The following GPC6 variants were observed in gnomAD, a reference collection of about 807,000 sequenced individuals.
The protein encoded by GPC6 is glypican-6.
GPC6 carries 14 observed loss-of-function variants against 55.2 expected under a neutral mutation model. The observed-to-expected ratio is 0.25, with a 90% CI of 0.17 to 0.40. The LOEUF (loss-of-function observed/expected upper bound fraction) is 0.40. GPC6 is among the 10% of genes least tolerant of loss of function. The probability of loss-of-function intolerance (pLI) is 1.00; values close to 1 mark genes in which losing one functional copy is unlikely to be tolerated. For synonymous variants in GPC6, 278 were observed against 259.6 expected (o/e 1.07, Z -0.68); for missense variants, 641 against 708.5 (o/e 0.90, Z 1.08).
At chr13:94,366,104 T>C (rs1879277697) in intron 6 of GPC6, among the ~76,000 whole-genome samples, 1 of 152,216 alleles carries the variant, frequency 6.6e-6, no homozygotes, top group Non-Finnish European at 1.5e-5. Flanking sequence ...ATCACTGTGG[T>C]ATGCCAATCA....
At chr13:93,642,086 T>C (rs565668015) in intron 2 of GPC6, among the ~76,000 whole-genome samples, 12 of 152,178 alleles carry the variant, frequency 7.9e-5, no homozygotes, top group African/African-American at 2.6e-4. Flanking sequence ...TGGGGTGTGA[T>C]TGAACTGGTC....
upstream of GPC6, among the ~76,000 whole-genome samples, chr13:93,224,088 C>T (rs1875693492): frequency 6.6e-6 from 1 of 151,546 alleles, no homozygotes; most frequent in Non-Finnish European, 1.5e-5. Flanking sequence ...TTAGTAGAGA[C>T]GGGGTTTCAC....
chr13:93,345,727 G>T (rs909813495), intron 1 of GPC6, among the ~76,000 whole-genome samples: 2 of 151,954 alleles, frequency 1.3e-5, no homozygotes, highest in African/African-American at 4.8e-5. Context: ...GATTTTCTTT[G>T]GTATTTTCAC....
At chr13:94,300,578 T>G (rs9301951) in intron 5 of GPC6, among the ~76,000 whole-genome samples, 1 of 152,154 alleles carries the variant, frequency 6.6e-6, no homozygotes, top group Non-Finnish European at 1.5e-5. Flanking sequence ...AGAGGATTCA[T>G]GAGCCAGATA....
chr13:93,753,465 T>C (rs1237122215), intron 2 of GPC6, among the ~76,000 whole-genome samples: 1 of 152,176 alleles, frequency 6.6e-6, no homozygotes, highest in Non-Finnish European at 1.5e-5. Context: ...TATGGGTACA[T>C]AGTAGGTGTA....
chr13:94,331,808 A>G (rs1877434897), intron 6 of GPC6, among the ~76,000 whole-genome samples: 1 of 152,234 alleles, frequency 6.6e-6, no homozygotes, highest in Non-Finnish European at 1.5e-5. Flanking sequence ...TTTGGGTACC[A>G]GTCTTTTTCA....
chr13:93,306,602 G>C (rs956460005), intron 1 of GPC6, among the ~76,000 whole-genome samples: 1 of 151,994 alleles, frequency 6.6e-6, no homozygotes, highest in Non-Finnish European at 1.5e-5. Context: ...TCATGTAACT[G>C]ATTGATCTAG....
At chr13:93,231,397 G>GTCTA (rs1284453371) in intron 1 of GPC6, among the ~76,000 whole-genome samples, 1 of 45,870 alleles carries the variant, frequency 2.2e-5, no homozygotes, top group African/African-American at 1.0e-4. Flanking sequence ...ATATATATAT[G>GTCTA]TATATATATA....
chr13:94,394,362 G>A (rs1431268685), intron 7 of GPC6, among the ~76,000 whole-genome samples: 1 of 152,190 alleles, frequency 6.6e-6, no homozygotes, highest in Non-Finnish European at 1.5e-5. Context: ...GGATCCACCA[G>A]GTAAACTTGC....
chr13:94,158,316 A>G (rs889498234), intron 4 of GPC6, among the ~76,000 whole-genome samples: 4 of 151,994 alleles, frequency 2.6e-5, no homozygotes, highest in Admixed American at 2.6e-4. Flanking sequence ...TGGAGTGTCA[A>G]TTAGACACAA....
Position 93,933,524 on chromosome 13 carries a change from CA to C in GPC6, c.712-94204del, listed in dbSNP as rs992081196. 2.7e-5 allele frequency among the ~76,000 whole-genome samples: 4 copies of C among 150,330 alleles called. No homozygotes were observed. In the East Asian group the frequency reaches 8.2e-4, roughly 31 times the overall value. On this transcript the variant is annotated intron_variant, in intron 3 of 8. Coordinates refer to ENST00000377047, the MANE Select transcript of GPC6 (RefSeq NM_005708.5). ...TGGGCCTCAGAGTTTCTTTTGCTTC[CA>C]TTTTTTTTTTCCATCTGGAAATAGG... is the stretch of plus-strand genomic sequence containing the variant.
intron 3 of GPC6, among the ~76,000 whole-genome samples, chr13:93,959,160 ATT>A (rs531505656): frequency 1.5e-5 from 2 of 136,802 alleles, no homozygotes; most frequent in Non-Finnish European, 1.6e-5. Context: ...TAGTTGTATG[ATT>A]TTTTTTTTTT....
chr13:93,456,790 G>A (rs781756915), intron 1 of GPC6, among the ~76,000 whole-genome samples: 1 of 152,084 alleles, frequency 6.6e-6, no homozygotes, highest in Non-Finnish European at 1.5e-5. Flanking sequence ...TGGTTTGTGG[G>A]CAATTTCTGG....
intron 4 of GPC6, among the ~76,000 whole-genome samples, chr13:94,150,985 A>G (rs621132): frequency 0.96 from 144,843 of 151,626 alleles, 69,482 homozygotes; most frequent in South Asian, 1. Flanking sequence ...TAGTTTGCTC[A>G]CTCTCCAGAA....
At chr13:93,978,988 A>G (rs1880650177) in intron 3 of GPC6, among the ~76,000 whole-genome samples, 1 of 152,192 alleles carries the variant, frequency 6.6e-6, no homozygotes, top group Admixed American at 6.6e-5. Context: ...TTTGTGAACC[A>G]CGAGATAAAT....
intron 1 of GPC6, among the ~76,000 whole-genome samples, chr13:93,454,805 T>A (rs750187469): frequency 2.0e-5 from 3 of 152,070 alleles, no homozygotes; most frequent in Non-Finnish European, 2.9e-5. Flanking sequence ...GGCCCTTGAG[T>A]GGTCGATGGG....
intron 2 of GPC6, among the ~76,000 whole-genome samples, chr13:93,578,674 G>A (rs73541541): frequency 0.063 from 9,335 of 148,880 alleles, 931 homozygotes; most frequent in African/African-American, 0.21. Flanking sequence ...TTAAGTCTCA[G>A]TTTCATTTAT....
At chr13:94,312,905 AC>A (rs2139120176) in intron 6 of GPC6, among the ~76,000 whole-genome samples, 1 of 152,246 alleles carries the variant, frequency 6.6e-6, no homozygotes, top group South Asian at 2.1e-4. Context: ...TGTCCCATTC[AC>A]CCCAGCAAAC....
intron 3 of GPC6, among the ~76,000 whole-genome samples, chr13:93,841,292 C>A (rs535003822): frequency 2.6e-5 from 4 of 152,054 alleles, no homozygotes; most frequent in Non-Finnish European, 5.9e-5. Context: ...ATAGGGAATA[C>A]GACATCCTAA....
Sources: gnomAD v4.1 joint callset for allele counts (sites outside exome capture counted in the v4.1 genomes callset) on GRCh38, gnomAD v4.1.1 for gene constraint, MANE v1.5 for transcripts, NCBI Gene and HGNC (gene_info 2026-07-23, HGNC 2026-07-21) for gene names.